Variants in TBX5 observed in about 807,000 individuals in gnomAD.
TBX5 encodes the protein T-box transcription factor 5.
TBX5 carries 8 observed loss-of-function variants against 51.1 expected under a neutral mutation model. That is an observed-to-expected ratio of 0.16 (90% confidence interval 0.09 to 0.28). The LOEUF (loss-of-function observed/expected upper bound fraction) is 0.28. TBX5 is among the 10% of genes least tolerant of loss of function. The pLI, the probability that TBX5 is intolerant of heterozygous loss-of-function variation, is 1.00. For synonymous variants in TBX5, 302 were observed against 266.4 expected, an observed-to-expected ratio of 1.13 and a Z score of -1.30; for missense variants, 589 against 671.7, an observed-to-expected ratio of 0.88 and a Z score of 1.36.
In TBX5 at chr12:114,355,630, A is replaced by G; in HGVS notation, c.1459T>C (p.Phe487Leu). The G allele has an allele frequency of 6.2e-7, 1 of 1,614,140 alleles. No homozygotes were observed. Among genetic ancestry groups the G allele is most frequent in the East Asian group, 2.2e-5 (1 of 44,866 alleles). The change falls in exon 9 of 9, where the codon TTC becomes CTC. Residue 487 changes from phenylalanine (F) to leucine (L), a missense_variant. Phe to Leu is a conservative substitution (Grantham distance 22). This residue lies in a region of TBX5 where 348 missense variants were observed against 360.4 expected (regional missense o/e 0.97). Transcript: ENST00000405440. Reference protein sequence around the residue: ...QSPGTLQPPEFLYSHGVPRTL... With the variant: ...QSPGTLQPPELLYSHGVPRTL... ...CTTGGCACGCCATGAGAGTAGAGGA[A>G]CTCAGGGGGCTGAAGGGTGCCAGGG...
At chr12:114,401,742 T>C (rs2136421305) in intron 3 of TBX5, 84 bp downstream of exon 3, 1 of 1,305,518 alleles carries the variant, frequency 7.7e-7, no homozygotes, top group Non-Finnish European at 1.1e-6. Flanking sequence ...CTTTCCTTCC[T>C]TCTTCTCTTC....
At chr12:114,388,248 C>A (rs1870934364) in intron 6 of TBX5, among the ~76,000 whole-genome samples, 1 of 152,208 alleles carries the variant, frequency 6.6e-6, no homozygotes, top group African/African-American at 2.4e-5. Flanking sequence ...ACCTCCACCT[C>A]CCAGGTTCAA....
chr12:114,391,864 A>G (rs959546908), intron 6 of TBX5, among the ~76,000 whole-genome samples: 2 of 152,196 alleles, frequency 1.3e-5, no homozygotes, highest in Admixed American at 1.3e-4. Flanking sequence ...GGGAAAGTGC[A>G]CAGTTTTGGA....
At chr12:114,398,331 G>A (rs889721613) in intron 5 of TBX5, among the ~76,000 whole-genome samples, 1 of 152,086 alleles carries the variant, frequency 6.6e-6, no homozygotes, top group Non-Finnish European at 1.5e-5. Context: ...CAAAGGGAAA[G>A]CAAGTGAGAA....
chr12:114,395,241 C>T (rs765772903), intron 5 of TBX5, among the ~76,000 whole-genome samples: 2 of 152,156 alleles, frequency 1.3e-5, no homozygotes, highest in Non-Finnish European at 2.9e-5. Context: ...GAATCCGCGT[C>T]TGGAGGGAAG....
intron 8 of TBX5, among the ~76,000 whole-genome samples, chr12:114,357,605 C>T (rs1348185793): frequency 6.6e-6 from 1 of 152,208 alleles, no homozygotes; most frequent in African/African-American, 2.4e-5. Context: ...TCAACATGAA[C>T]AGCTCTTGTT....
intron 6 of TBX5, among the ~76,000 whole-genome samples, chr12:114,392,613 C>T (rs1199142017): frequency 2.0e-5 from 3 of 152,066 alleles, no homozygotes; most frequent in Non-Finnish European, 4.4e-5. Context: ...TGAACCTGGG[C>T]TTTCTTGGGG....
intron 8 of TBX5, among the ~76,000 whole-genome samples, chr12:114,365,068 A>G (rs1258466478): frequency 6.7e-6 from 1 of 149,142 alleles, no homozygotes; most frequent in Admixed American, 6.6e-5. Flanking sequence ...TGACTTAGAA[A>G]AAAAAAAAAG....
intron 7 of TBX5, among the ~76,000 whole-genome samples, chr12:114,367,658 T>A (rs1199735747): frequency 1.9e-5 from 2 of 107,758 alleles, no homozygotes; most frequent in Non-Finnish European, 1.8e-5. Flanking sequence ...TGCAGAGGAG[T>A]AGAGAGAAGG....
At chr12:114,372,981 TACACACACACACACAC>T (rs56137685) in intron 7 of TBX5, among the ~76,000 whole-genome samples, 129 of 142,950 alleles carry the variant, frequency 9.0e-4, no homozygotes, top group African/African-American at 2.9e-3. Context: ...TATATATACA[TACACACACACACACAC>T]ACACACACAC....
At chr12:114,398,983 T>C (rs941703029) in intron 4 of TBX5, among the ~76,000 whole-genome samples, 3 of 151,688 alleles carry the variant, frequency 2.0e-5, no homozygotes, top group African/African-American at 7.3e-5. Flanking sequence ...GTTCTGGAGG[T>C]CTGGACGTGC....
chr12:114,370,698 C>T (rs2136379856), intron 7 of TBX5, among the ~76,000 whole-genome samples: 1 of 151,958 alleles, frequency 6.6e-6, no homozygotes, highest in Non-Finnish European at 1.5e-5. Context: ...ATATGGCCAC[C>T]ATCCTGTGAG....
intron 8 of TBX5, 144 bp downstream of exon 8, chr12:114,366,021 T>A (rs538265066): frequency 4.0e-6 from 4 of 990,436 alleles, no homozygotes; most frequent in Non-Finnish European, 6.3e-6. Flanking sequence ...TGGTTTAAAT[T>A]TCTTATCTCC....
In TBX5 at chr12:114,395,309, C is replaced by T. The variant is rs1871358350; in HGVS notation, c.511-416G>A. Among the ~76,000 whole-genome samples the T allele has an allele frequency of 2.0e-5, 3 of 151,850 alleles. No individual in the cohort carries two copies. In the South Asian group the frequency reaches 6.3e-4, roughly 32 times the overall value. ...TAGGGGCACGGGGACAAACAAACAA[C>T]AAACATAGAAATAACCCCCACTCCC... On this transcript the variant is annotated intron_variant, in intron 5 of 8. Coordinates refer to ENST00000405440, the MANE Select transcript of TBX5 (RefSeq NM_181486.4).
intron 8 of TBX5, among the ~76,000 whole-genome samples, chr12:114,361,578 C>G (rs753394740): frequency 6.6e-6 from 1 of 152,072 alleles, no homozygotes; most frequent in African/African-American, 2.4e-5. Flanking sequence ...TGGAGACAGC[C>G]GGTTCCAAAC....
At chr12:114,400,121 G>T (rs905904417) in intron 3 of TBX5, among the ~76,000 whole-genome samples, 2 of 152,138 alleles carry the variant, frequency 1.3e-5, no homozygotes, top group Non-Finnish European at 2.9e-5. Flanking sequence ...ATGCACACGC[G>T]TGGGTGCGCC....
At chr12:114,366,866 G>T (rs191955912) in intron 7 of TBX5, among the ~76,000 whole-genome samples, 1 of 152,290 alleles carries the variant, frequency 6.6e-6, no homozygotes, top group Non-Finnish European at 1.5e-5. Context: ...AACCTAGGAA[G>T]GTCAGGTATA....
At chr12:114,376,499 A>G (rs761307430) in intron 7 of TBX5, among the ~76,000 whole-genome samples, 2 of 152,084 alleles carry the variant, frequency 1.3e-5, no homozygotes, top group Non-Finnish European at 2.9e-5. Context: ...GAGAAGGGCA[A>G]TGGGGAGATA....
Position 114,366,408 on chromosome 12 carries a change from G to T in TBX5, c.756-17C>A, listed in dbSNP as rs550240868. On this transcript the variant is annotated splice_polypyrimidine_tract_variant and intron_variant, in intron 7 of 8. Coordinates refer to ENST00000405440, the MANE Select transcript of TBX5 (RefSeq NM_181486.4). The stretch of plus-strand genomic sequence containing the variant: ...TATTCTTTACTGAAAGAGAAAAGAT[G>T]GGAGATAACGCCTATCAGTGCCCTG... The T allele has an allele frequency of 6.2e-7, 1 of 1,611,334 alleles. No individual in the cohort carries two copies. The highest frequency in any genetic ancestry group is 1.3e-5 in the African/African-American group (1 of 74,968).
Sources: gnomAD v4.1 joint callset for allele counts (sites outside exome capture counted in the v4.1 genomes callset) on GRCh38, gnomAD v4.1.1 for gene constraint, gnomAD v4.1.1 regional missense constraint, MANE v1.5 for transcripts, NCBI Gene and HGNC (gene_info 2026-07-23, HGNC 2026-07-21) for gene names.